Variants in CNTN4 observed in about 807,000 individuals in gnomAD.
The protein encoded by CNTN4 is contactin 4.
A neutral mutation model predicts 122.5 loss-of-function variants in CNTN4; 77 were observed. That is an observed-to-expected ratio of 0.63 (90% CI 0.52 to 0.76). CNTN4 has a LOEUF of 0.76. CNTN4 is among the 30% of genes least tolerant of loss of function. The probability of loss-of-function intolerance (pLI) is 0.00; values close to 1 mark genes in which losing one functional copy is unlikely to be tolerated. For synonymous variants in CNTN4, 512 were observed against 447.0 expected, an observed-to-expected ratio of 1.15 and a Z score of -1.83; for missense variants, 1,256 against 1,259.1, an observed-to-expected ratio of 1.00 and a Z score of 0.04.
intron 2 of CNTN4, among the ~76,000 whole-genome samples, chr3:2,260,880 G>A (rs556971266): frequency 6.0e-4 from 91 of 151,322 alleles, no homozygotes; most frequent in Non-Finnish European, 1.2e-3. Context: ...GGTGCCCACC[G>A]CCACGCTTGG....
chr3:2,230,151 C>G (rs776837709), intron 2 of CNTN4, among the ~76,000 whole-genome samples: 2 of 152,210 alleles, frequency 1.3e-5, no homozygotes, highest in Non-Finnish European at 2.9e-5. Flanking sequence ...TCAGCTGTCA[C>G]CTGTCCTACA....
At chr3:2,574,659 A>G (rs1242839573) in intron 4 of CNTN4, among the ~76,000 whole-genome samples, 1 of 152,140 alleles carries the variant, frequency 6.6e-6, no homozygotes, top group Non-Finnish European at 1.5e-5. Flanking sequence ...TAAACTCAAG[A>G]TCATAAAACC....
At chr3:2,960,919 C>G (rs1192566942) in intron 13 of CNTN4, among the ~76,000 whole-genome samples, 2 of 152,078 alleles carry the variant, frequency 1.3e-5, no homozygotes, top group African/African-American at 4.8e-5. Flanking sequence ...AATCGTTTCG[C>G]TACCATGCGA....
At chr3:2,673,806 T>C (rs1160191403) in intron 4 of CNTN4, among the ~76,000 whole-genome samples, 3 of 152,174 alleles carry the variant, frequency 2.0e-5, no homozygotes, top group Admixed American at 6.5e-5. Flanking sequence ...CCTCCCAAAG[T>C]GCTGGGATTA....
At chr3:2,361,541 T>A (rs2150548057) in intron 3 of CNTN4, among the ~76,000 whole-genome samples, 1 of 152,328 alleles carries the variant, frequency 6.6e-6, no homozygotes, top group East Asian at 1.9e-4. Context: ...TCTGTGACTT[T>A]GGCATTGTTA....
intron 13 of CNTN4, among the ~76,000 whole-genome samples, chr3:2,974,515 G>T (rs1324733809): frequency 1.3e-5 from 2 of 152,198 alleles, no homozygotes; most frequent in Non-Finnish European, 2.9e-5. Flanking sequence ...AGAGATGGCA[G>T]TCTGGAGCCC....
intron 7 of CNTN4, among the ~76,000 whole-genome samples, chr3:2,838,094 G>A (rs997129888): frequency 2.6e-5 from 4 of 152,140 alleles, no homozygotes; most frequent in Non-Finnish European, 4.4e-5. Context: ...TTGTGACCAT[G>A]AGCAGTTTCA....
intron 5 of CNTN4, among the ~76,000 whole-genome samples, chr3:2,739,044 A>G (rs1350378303): frequency 6.6e-6 from 1 of 152,192 alleles, no homozygotes; most frequent in Non-Finnish European, 1.5e-5. Flanking sequence ...TTCCACAAAC[A>G]GAATGTAAAA....
chr3:2,688,966 A>C (rs1182220627), intron 4 of CNTN4, among the ~76,000 whole-genome samples: 1 of 152,182 alleles, frequency 6.6e-6, no homozygotes, highest in Admixed American at 6.5e-5. Flanking sequence ...CTAATGTAGC[A>C]CCTGAGAATT....
intron 3 of CNTN4, among the ~76,000 whole-genome samples, chr3:2,341,145 T>C (rs1418037205): frequency 6.6e-6 from 1 of 152,188 alleles, no homozygotes; most frequent in Non-Finnish European, 1.5e-5. Context: ...ATTCTTTCTT[T>C]CCATCTTTTT....
intron 2 of CNTN4, among the ~76,000 whole-genome samples, chr3:2,277,777 T>TA (rs1461178018): frequency 4.6e-5 from 7 of 152,324 alleles, no homozygotes; most frequent in African/African-American, 1.7e-4. Context: ...GAGATGCACC[T>TA]ACATGGCTCA....
chr3:2,358,018 C>A (rs1019127224), intron 3 of CNTN4, among the ~76,000 whole-genome samples: 1 of 152,178 alleles, frequency 6.6e-6, no homozygotes, highest in Admixed American at 6.5e-5. Context: ...CCGTATGTAG[C>A]AGCATCAGTG....
Position 2,502,604 on chromosome 3 carries a change from G to A in CNTN4, c.-88-68812G>A, listed in dbSNP as rs575770678. Among the ~76,000 whole-genome samples, 27 of 152,206 alleles carry A rather than the reference G, an allele frequency of 1.8e-4. No homozygotes were observed. The South Asian group carries it at 4.6e-3, about 26-fold the overall frequency. On this transcript the variant is annotated intron_variant, in intron 3 of 24. Coordinates refer to ENST00000418658, the MANE Select transcript of CNTN4 (RefSeq NM_175607.3). ...TTTTCAAGCTCAGCTGTAAACATGTGAACAGGTGTTCACACATAATTTTGT... is the reference window on the plus strand; with the variant it reads ...TTTTCAAGCTCAGCTGTAAACATGTAAACAGGTGTTCACACATAATTTTGT...
chr3:2,334,716 A>C (rs1163312108), intron 2 of CNTN4, among the ~76,000 whole-genome samples: 2 of 152,174 alleles, frequency 1.3e-5, no homozygotes, highest in Non-Finnish European at 2.9e-5. Flanking sequence ...TTGTTAGACA[A>C]ATCCAGGTCT....
At chr3:2,164,636 A>C (rs2036117103) in intron 2 of CNTN4, among the ~76,000 whole-genome samples, 1 of 152,218 alleles carries the variant, frequency 6.6e-6, no homozygotes, top group Admixed American at 6.5e-5. Context: ...ACAGAAAAAC[A>C]ATTAGTTACC....
chr3:2,750,057 G>C (rs1337638510), intron 6 of CNTN4, among the ~76,000 whole-genome samples: 2 of 152,056 alleles, frequency 1.3e-5, no homozygotes, highest in African/African-American at 4.8e-5. Context: ...GGTTAAAAAA[G>C]ACATTAAAGG....
chr3:2,567,574 C>T (rs529956580), intron 3 of CNTN4, among the ~76,000 whole-genome samples: 30 of 152,320 alleles, frequency 2.0e-4, no homozygotes, highest in Non-Finnish European at 3.8e-4. Context: ...CATGCATTCT[C>T]ACTAATCCTT....
intron 4 of CNTN4, among the ~76,000 whole-genome samples, chr3:2,613,227 A>G (rs2081574589): frequency 6.6e-6 from 1 of 152,118 alleles, no homozygotes; most frequent in Non-Finnish European, 1.5e-5. Context: ...CATGTATTTT[A>G]TTAATGATGA....
chr3:2,977,104 C>G (rs1693491988), intron 13 of CNTN4, among the ~76,000 whole-genome samples: 1 of 152,204 alleles, frequency 6.6e-6, no homozygotes, highest in African/African-American at 2.4e-5. Context: ...TGTCACCTCT[C>G]TACTCCTTCT....
Sources: gnomAD v4.1 joint callset for allele counts (sites outside exome capture counted in the v4.1 genomes callset) on GRCh38, gnomAD v4.1.1 for gene constraint, MANE v1.5 for transcripts, NCBI Gene and HGNC (gene_info 2026-07-23, HGNC 2026-07-21) for gene names.